ELOVL5: variants seen among roughly 807,000 people sequenced by gnomAD.
The protein encoded by ELOVL5 is very long chain fatty acid elongase 5.
ELOVL5 carries 8 observed loss-of-function variants against 38.6 expected under a neutral mutation model. The observed-to-expected ratio is 0.21, with a 90% CI of 0.12 to 0.37. The LOEUF (loss-of-function observed/expected upper bound fraction) is 0.37. Ranked by LOEUF, ELOVL5 falls within the 10% of genes least tolerant of loss-of-function variation. The pLI is 1.00. For synonymous variants in ELOVL5, 127 were observed against 133.7 expected (o/e 0.95, Z 0.34); for missense variants, 280 against 367.8 (o/e 0.76, Z 1.95).
At chr6:53,310,960 A>C (rs979253088) in intron 1 of ELOVL5, among the ~76,000 whole-genome samples, 3 of 152,176 alleles carry the variant, frequency 2.0e-5, no homozygotes, top group Non-Finnish European at 4.4e-5. Context: ...TTCAGCTTAA[A>C]GGATTCTGCA....
At position 53,304,716 on chromosome 6, in the gene ELOVL5, CAT is replaced by C. The variant is rs200852521; in HGVS notation, c.-8-9011_-8-9010del. Among the ~76,000 whole-genome samples the C allele has an allele frequency of 1.6e-3, 239 of 152,316 alleles. 4 individuals are homozygous for C. The East Asian group carries it at 0.043, about 27-fold the overall frequency. On this transcript the variant is annotated intron_variant, in intron 1 of 7. Coordinates refer to ENST00000304434, the MANE Select transcript of ELOVL5 (RefSeq NM_021814.5). ...CATTTAACCCTGAGTGGACACAGCA[CAT>C]GTTTCAGAGAGCACAGGGTTGGGGG...
intron 2 of ELOVL5, chr6:53,294,507 T>G (rs1462106565): frequency 6.5e-7 from 1 of 1,543,774 alleles, no homozygotes; most frequent in African/African-American, 1.4e-5. Flanking sequence ...AGTGGCAAAG[T>G]AGAAAATGAC....
intron 1 of ELOVL5, among the ~76,000 whole-genome samples, chr6:53,326,052 G>T (rs181208613): frequency 6.6e-6 from 1 of 152,300 alleles, no homozygotes; most frequent in East Asian, 1.9e-4. Flanking sequence ...ATGGTTGGTG[G>T]ATAATTCAAG....
chr6:53,302,426 T>C (rs927545750), intron 1 of ELOVL5, among the ~76,000 whole-genome samples: 5 of 151,694 alleles, frequency 3.3e-5, no homozygotes, highest in Non-Finnish European at 5.9e-5. Context: ...GGGATGGGGG[T>C]AGGTGGCAAC....
At chr6:53,274,360 C>G in intron 5 of ELOVL5, among the ~76,000 whole-genome samples, 1 of 151,832 alleles carries the variant, frequency 6.6e-6, no homozygotes, top group Middle Eastern at 3.2e-3. Flanking sequence ...TTCCATGACA[C>G]TGTGAATCTT....
In ELOVL5 at chr6:53,287,951, A is replaced by G. The variant is rs540839938; in HGVS notation, c.246+3825T>C. On this transcript the variant is annotated intron_variant, in intron 3 of 7. Coordinates refer to ENST00000304434, the MANE Select transcript of ELOVL5 (RefSeq NM_021814.5). ...GGTTGCTCCCTTTTGGACTGTAACAAACACAATTAGATCCTCTCTGCTTAG... is the reference window on the plus strand; with the variant it reads ...GGTTGCTCCCTTTTGGACTGTAACAGACACAATTAGATCCTCTCTGCTTAG... The G allele has an allele frequency of 4.6e-6, 7 of 1,535,374 alleles. No homozygotes were observed. In the African/African-American group the frequency reaches 9.6e-5, roughly 21 times the overall value.
At chr6:53,321,570 T>C (rs1768305792) in intron 1 of ELOVL5, among the ~76,000 whole-genome samples, 1 of 152,336 alleles carries the variant, frequency 6.6e-6, no homozygotes, top group South Asian at 2.1e-4. Context: ...TTAGAATGCA[T>C]TGAAAAATTC....
At chr6:53,280,836 C>T (rs1246022806) in intron 3 of ELOVL5, among the ~76,000 whole-genome samples, 1 of 152,182 alleles carries the variant, frequency 6.6e-6, no homozygotes, top group Non-Finnish European at 1.5e-5. Context: ...CTCCAGTGAT[C>T]TGCTTGCCTT....
chr6:53,286,489 G>C (rs1766575880), intron 3 of ELOVL5, among the ~76,000 whole-genome samples: 1 of 152,148 alleles, frequency 6.6e-6, no homozygotes, highest in South Asian at 2.1e-4. Context: ...CTTAAGGCCA[G>C]GAGTTCTAGG....
At chr6:53,323,576 C>CTTTTTTTTTTTT (rs3063792) in intron 1 of ELOVL5, among the ~76,000 whole-genome samples, 1 of 81,542 alleles carries the variant, frequency 1.2e-5, no homozygotes, top group Non-Finnish European at 2.2e-5. Context: ...TACTAGCCAG[C>CTTTTTTTTTTTT]TTTTTTTTTT....
At chr6:53,348,493 C>T (rs981196156) in intron 1 of ELOVL5, among the ~76,000 whole-genome samples, 9 of 152,190 alleles carry the variant, frequency 5.9e-5, no homozygotes, top group African/African-American at 2.2e-4. Context: ...CGGTGTCGTG[C>T]CCCGCGGCGC....
At chr6:53,335,048 C>T (rs9474489) in intron 1 of ELOVL5, among the ~76,000 whole-genome samples, 3,239 of 152,264 alleles carry the variant, frequency 0.021, 126 homozygotes, top group African/African-American at 0.073. Flanking sequence ...TCACCTATTA[C>T]GTGAAAAGGC....
chr6:53,347,179 A>G (rs1413029818), intron 1 of ELOVL5, among the ~76,000 whole-genome samples: 2 of 152,244 alleles, frequency 1.3e-5, no homozygotes, highest in African/African-American at 4.8e-5. Context: ...AACTATCAAT[A>G]AAAATTTCCC....
chr6:53,289,613 G>C (rs977556914), intron 3 of ELOVL5, among the ~76,000 whole-genome samples: 1 of 152,146 alleles, frequency 6.6e-6, no homozygotes, highest in African/African-American at 2.4e-5. Flanking sequence ...CCAGCTACTA[G>C]GGAGGCTGAG....
chr6:53,276,146 A>G, intron 4 of ELOVL5, 33 bp downstream of exon 4: 1 of 1,460,412 alleles, frequency 6.8e-7, no homozygotes. Context: ...CTCAACACTT[A>G]TAATAATAAA....
intron 3 of ELOVL5, among the ~76,000 whole-genome samples, chr6:53,282,684 A>G (rs949765866): frequency 6.6e-6 from 1 of 152,254 alleles, no homozygotes; most frequent in Admixed American, 6.5e-5. Flanking sequence ...TAATTTCACC[A>G]GATGTTTCAA....
At chr6:53,341,130 G>C (rs1024131344) in intron 1 of ELOVL5, among the ~76,000 whole-genome samples, 1 of 152,116 alleles carries the variant, frequency 6.6e-6, no homozygotes, top group Non-Finnish European at 1.5e-5. Context: ...GTACGCTTCT[G>C]ATTTTCCCCA....
At chr6:53,297,693 A>G (rs1767066658) in intron 1 of ELOVL5, among the ~76,000 whole-genome samples, 1 of 151,514 alleles carries the variant, frequency 6.6e-6, no homozygotes, top group African/African-American at 2.4e-5. Flanking sequence ...TATGCATAGG[A>G]AAAAAAACCA....
At chr6:53,336,068 T>G (rs1014571629) in intron 1 of ELOVL5, among the ~76,000 whole-genome samples, 2 of 152,242 alleles carry the variant, frequency 1.3e-5, no homozygotes, top group Non-Finnish European at 2.9e-5. Flanking sequence ...TGTCCATCGC[T>G]GCAGCTGAAC....
Sources: gnomAD v4.1 joint callset for allele counts (sites outside exome capture counted in the v4.1 genomes callset) on GRCh38, gnomAD v4.1.1 for gene constraint, MANE v1.5 for transcripts, NCBI Gene and HGNC (gene_info 2026-07-23, HGNC 2026-07-21) for gene names.